Variants in SCHIP1 observed in about 807,000 individuals in gnomAD.
SCHIP1 encodes schwannomin interacting protein 1, also known as schwannomin-interacting protein 1.
SCHIP1 carries 8 observed loss-of-function variants against 29.7 expected under a neutral mutation model. The observed-to-expected ratio is 0.27, with a 90% CI of 0.16 to 0.49. The LOEUF (loss-of-function observed/expected upper bound fraction) is 0.49, where lower values mean the gene tolerates loss of function less well. Ranked by LOEUF, SCHIP1 falls within the 20% of genes least tolerant of loss-of-function variation. The pLI is 0.99. For missense variants in SCHIP1, 193 were observed against 294.6 expected (o/e 0.66, Z 2.52); for synonymous variants, 76 against 94.9 (o/e 0.80, Z 1.16).
chr3:159,379,312 T>A, the SCHIP1 span, among the ~76,000 whole-genome samples: 1 of 151,826 alleles, frequency 6.6e-6, no homozygotes, highest in African/African-American at 2.4e-5. Context: ...ACCTCCACCT[T>A]CCAGGTTCAA....
the SCHIP1 span, among the ~76,000 whole-genome samples, chr3:159,345,632 C>T: frequency 6.6e-6 from 1 of 151,978 alleles, no homozygotes; most frequent in Admixed American, 6.6e-5. Flanking sequence ...ACCACCGATC[C>T]TCACTGTGGT....
chr3:159,515,509 T>TGTAAAATGGAAATAATGC, the SCHIP1 span, among the ~76,000 whole-genome samples: 2 of 152,234 alleles, frequency 1.3e-5, no homozygotes, highest in African/African-American at 2.4e-5. Flanking sequence ...TTTCTTCATT[T>TGTAAAATGGAAATAATGC]GTAAAATGGA....
At chr3:159,490,875 A>G in the SCHIP1 span, among the ~76,000 whole-genome samples, 2 of 152,140 alleles carry the variant, frequency 1.3e-5, no homozygotes, top group African/African-American at 4.8e-5. Flanking sequence ...TTCAGTGAGT[A>G]TGGCTCTACA....
the SCHIP1 span, among the ~76,000 whole-genome samples, chr3:159,425,224 C>G: frequency 6.6e-6 from 1 of 152,076 alleles, no homozygotes; most frequent in African/African-American, 2.4e-5. Flanking sequence ...CCTAAATGCT[C>G]CAATTAAAAG....
chr3:159,487,049 G>A, the SCHIP1 span, among the ~76,000 whole-genome samples: 1 of 152,178 alleles, frequency 6.6e-6, no homozygotes, highest in South Asian at 2.1e-4. Context: ...TGAGCTGGTG[G>A]CACCTTCAAC....
the SCHIP1 span, among the ~76,000 whole-genome samples, chr3:159,648,668 A>G: frequency 6.6e-6 from 1 of 152,072 alleles, no homozygotes; most frequent in South Asian, 2.1e-4. Flanking sequence ...TCTGTGCCCT[A>G]GGAGTTGACC....
the SCHIP1 span, among the ~76,000 whole-genome samples, chr3:159,719,110 C>T: frequency 1.3e-5 from 2 of 152,070 alleles, no homozygotes; most frequent in Admixed American, 6.6e-5. Flanking sequence ...TTTGACAAAC[C>T]TGACAAAAAC....
At chr3:159,425,407 A>G in the SCHIP1 span, among the ~76,000 whole-genome samples, 62 of 151,178 alleles carry the variant, frequency 4.1e-4, 1 homozygote, top group African/African-American at 1.5e-3. Context: ...CTCTGATAAA[A>G]CAGACTTTAA....
At chr3:159,562,478 T>G in the SCHIP1 span, among the ~76,000 whole-genome samples, 1 of 152,182 alleles carries the variant, frequency 6.6e-6, no homozygotes, top group African/African-American at 2.4e-5. Flanking sequence ...CAGCTGAGTG[T>G]AGAAACAACT....
chr3:159,309,501 TTTTC>T, the SCHIP1 span, among the ~76,000 whole-genome samples: 49 of 152,242 alleles, frequency 3.2e-4, no homozygotes, highest in African/African-American at 1.1e-3. Context: ...GTTAGACTCA[TTTTC>T]ATGCTATATG....
chr3:159,517,667 T>C, the SCHIP1 span, among the ~76,000 whole-genome samples: 3,885 of 152,010 alleles, frequency 0.026, 172 homozygotes, highest in African/African-American at 0.089. Context: ...TTAAAATCTG[T>C]GTGTATGTGT....
chr3:159,330,482 A>G, the SCHIP1 span, among the ~76,000 whole-genome samples: 2 of 152,222 alleles, frequency 1.3e-5, no homozygotes, highest in South Asian at 4.1e-4. Context: ...AGGTATCCTA[A>G]TAAATATTCG....
chr3:159,295,048 C>T, the SCHIP1 span, among the ~76,000 whole-genome samples: 15 of 151,956 alleles, frequency 9.9e-5, no homozygotes, highest in East Asian at 1.9e-4. Context: ...GACATGTATC[C>T]GACAGCATAT....
the SCHIP1 span, among the ~76,000 whole-genome samples, chr3:159,472,721 G>A: frequency 3.0e-4 from 46 of 152,306 alleles, no homozygotes; most frequent in South Asian, 9.5e-3. Flanking sequence ...TATGCCAAAG[G>A]AAATTGGCCC....
chr3:159,611,448 A>G, the SCHIP1 span, among the ~76,000 whole-genome samples: 1 of 143,312 alleles, frequency 7.0e-6, no homozygotes, highest in East Asian at 2.3e-4. Context: ...CAAACACTGC[A>G]TGTTCTCACT....
the SCHIP1 span, among the ~76,000 whole-genome samples, chr3:159,703,982 C>G: frequency 1.3e-5 from 2 of 152,160 alleles, no homozygotes; most frequent in Non-Finnish European, 1.5e-5. Context: ...TTGTCTGCAT[C>G]AAATAACCTT....
intron 6 of SCHIP1, 90 bp from the exon 8 acceptor site, chr3:159,896,633 C>T (rs1462502581): frequency 1.5e-6 from 2 of 1,313,550 alleles, no homozygotes; most frequent in African/African-American, 3.0e-5. Context: ...TAACTCTGAA[C>T]TTCAGTTTGC....
the SCHIP1 span, among the ~76,000 whole-genome samples, chr3:159,307,855 T>C: frequency 6.6e-6 from 1 of 152,190 alleles, no homozygotes; most frequent in African/African-American, 2.4e-5. Context: ...CTTGTTTTTG[T>C]TGGCCTTGTT....
chr3:159,829,454 C>T, the SCHIP1 span, among the ~76,000 whole-genome samples: 1 of 151,904 alleles, frequency 6.6e-6, no homozygotes, highest in Non-Finnish European at 1.5e-5. Flanking sequence ...AATACAACTA[C>T]AAATGAGATA....
Sources: gnomAD v4.1 joint callset for allele counts (sites outside exome capture counted in the v4.1 genomes callset) on GRCh38, gnomAD v4.1.1 for gene constraint, MANE v1.5 for transcripts, NCBI Gene and HGNC (gene_info 2026-07-23, HGNC 2026-07-21) for gene names.